FGF14: variants seen among roughly 807,000 people sequenced by gnomAD.
The protein encoded by FGF14 is fibroblast growth factor homologous factor 4.
A neutral mutation model predicts 25.5 loss-of-function variants in FGF14; 5 were observed. The observed-to-expected ratio is 0.20, with a 90% CI of 0.10 to 0.41. The LOEUF is 0.41. Among genes scored for constraint, FGF14 ranks in the 10% least tolerant of loss-of-function variants. The pLI is 1.00. For synonymous variants in FGF14, 138 were observed against 118.3 expected, an observed-to-expected ratio of 1.17 and a Z score of -1.08; for missense variants, 222 against 320.1, an observed-to-expected ratio of 0.69 and a Z score of 2.34.
At chr13:102,241,918 T>A (rs545326893) in intron 1 of FGF14, among the ~76,000 whole-genome samples, 1 of 152,212 alleles carries the variant, frequency 6.6e-6, no homozygotes, top group South Asian at 2.1e-4. Flanking sequence ...ATTCAAAGAA[T>A]CTTTATTCTT....
intron 3 of FGF14, among the ~76,000 whole-genome samples, chr13:101,831,615 T>C (rs984860673): frequency 6.6e-6 from 1 of 152,068 alleles, no homozygotes; most frequent in Middle Eastern, 3.2e-3. Context: ...ATGGCTTTGT[T>C]GTCTCAAGAA....
At chr13:102,073,113 G>C (rs1394166789) in intron 1 of FGF14, among the ~76,000 whole-genome samples, 1 of 152,130 alleles carries the variant, frequency 6.6e-6, no homozygotes, top group East Asian at 1.9e-4. Flanking sequence ...TTAGCCGGGT[G>C]TGGTGGCACA....
chr13:101,782,285 A>G (rs1333823311), intron 3 of FGF14, among the ~76,000 whole-genome samples: 3 of 152,216 alleles, frequency 2.0e-5, no homozygotes, highest in African/African-American at 7.2e-5. Flanking sequence ...TATATATTGC[A>G]CTTACATCAA....
intron 1 of FGF14, among the ~76,000 whole-genome samples, chr13:101,986,670 G>C (rs564786948): frequency 6.6e-6 from 1 of 152,144 alleles, no homozygotes; most frequent in South Asian, 2.1e-4. Flanking sequence ...GGAGCAAGTA[G>C]CATCTTTGAG....
chr13:102,308,747 T>C (rs2055543583), intron 1 of FGF14, among the ~76,000 whole-genome samples: 1 of 152,056 alleles, frequency 6.6e-6, no homozygotes, highest in African/African-American at 2.4e-5. Context: ...ATTCTGCTCT[T>C]TGAAATCTGC....
At chr13:102,023,022 A>G (rs2040743071) in intron 1 of FGF14, among the ~76,000 whole-genome samples, 2 of 148,732 alleles carry the variant, frequency 1.3e-5, no homozygotes, top group South Asian at 4.4e-4. Flanking sequence ...AAAACTGTAC[A>G]AAAGTAGTAA....
intron 1 of FGF14, among the ~76,000 whole-genome samples, chr13:102,157,810 C>T (rs534908432): frequency 4.8e-4 from 73 of 152,162 alleles, no homozygotes; most frequent in Non-Finnish European, 9.4e-4. Context: ...ACAAAGAACT[C>T]AAACAAATTT....
At chr13:101,742,271 A>C (rs1043438178) in intron 3 of FGF14, among the ~76,000 whole-genome samples, 8 of 152,192 alleles carry the variant, frequency 5.3e-5, no homozygotes, top group Non-Finnish European at 8.8e-5. Flanking sequence ...ACCATGGCAC[A>C]TGTATACCTA....
chr13:101,964,144 T>C (rs985363673), intron 1 of FGF14, among the ~76,000 whole-genome samples: 102 of 152,346 alleles, frequency 6.7e-4, no homozygotes, highest in Middle Eastern at 3.4e-3. Context: ...ATATACAGTA[T>C]TGAATAATCA....
At chr13:101,852,285 T>C (rs1261137796) in intron 3 of FGF14, among the ~76,000 whole-genome samples, 3 of 152,076 alleles carry the variant, frequency 2.0e-5, no homozygotes, top group Non-Finnish European at 2.9e-5. Flanking sequence ...ATTCATATCA[T>C]TGTAATCCTT....
At chr13:102,136,661 G>GA (rs1350887640) in intron 1 of FGF14, among the ~76,000 whole-genome samples, 175 of 142,880 alleles carry the variant, frequency 1.2e-3, no homozygotes, top group Non-Finnish European at 1.4e-3. Flanking sequence ...AATTCTATGG[G>GA]AAAAAAAAAA....
chr13:102,181,167 C>T (rs2048656839), intron 1 of FGF14, among the ~76,000 whole-genome samples: 1 of 152,066 alleles, frequency 6.6e-6, no homozygotes, highest in South Asian at 2.1e-4. Flanking sequence ...CTCAATTAAA[C>T]AGAATGTTAT....
chr13:102,310,703 GGGGGGGT>G lies in FGF14; in HGVS notation c.208+90761_208+90767del, dbSNP rs1443941383. 4.0e-4 allele frequency among the ~76,000 whole-genome samples: 26 copies of G among 65,102 alleles called. 5 individuals are homozygous for G. Among genetic ancestry groups the G allele is most frequent in the African/African-American group, 6.7e-4 (10 of 14,984 alleles). 42.7% of individuals were successfully genotyped at this position (65,102 alleles called of 152,430 possible). A position where few individuals can be genotyped will look rare whatever the true frequency, so the allele number is the denominator to read the frequency against. ...TCTCTCTCTGTGTGTGTGTGGGGGG[GGGGGGGT>G]GGGGGTTGTTTAACTGCTAGAAAAC... On this transcript the variant is annotated intron_variant, in intron 1 of 4. Coordinates refer to the FGF14 transcript ENST00000376131.
intron 3 of FGF14, among the ~76,000 whole-genome samples, chr13:101,823,283 T>C (rs1449972301): frequency 6.6e-6 from 1 of 151,502 alleles, no homozygotes; most frequent in African/African-American, 2.4e-5. Flanking sequence ...GACATTGTTT[T>C]CAAAGGAGCT....
chr13:101,803,079 G>A (rs1231274211), intron 3 of FGF14, among the ~76,000 whole-genome samples: 1 of 151,816 alleles, frequency 6.6e-6, no homozygotes, highest in Non-Finnish European at 1.5e-5. Flanking sequence ...GGGTCAGCTG[G>A]CGTGAAAATT....
intron 1 of FGF14, among the ~76,000 whole-genome samples, chr13:102,087,882 A>C (rs893553614): frequency 6.6e-6 from 1 of 152,028 alleles, no homozygotes; most frequent in Non-Finnish European, 1.5e-5. Flanking sequence ...ACCATCTTAC[A>C]GTTAGGAAAT....
intron 2 of FGF14, among the ~76,000 whole-genome samples, chr13:101,870,719 C>T (rs1344279729): frequency 3.3e-5 from 5 of 152,210 alleles, no homozygotes; most frequent in South Asian, 4.1e-4. Context: ...TTCGGGAAGC[C>T]GAGGCGGGTG....
chr13:102,195,452 C>T (rs963415839), intron 1 of FGF14, among the ~76,000 whole-genome samples: 3 of 151,702 alleles, frequency 2.0e-5, no homozygotes, highest in African/African-American at 7.3e-5. Context: ...TAGTTATAAT[C>T]CTCAGAGCAA....
At chr13:101,867,937 C>CACACACACACAT (rs1478756820) in intron 3 of FGF14, among the ~76,000 whole-genome samples, 1 of 128,140 alleles carries the variant, frequency 7.8e-6, no homozygotes, top group Non-Finnish European at 1.6e-5. Flanking sequence ...CACACACACG[C>CACACACACACAT]GCACACACAC....
Sources: allele counts gnomAD v4.1 joint callset (sites outside exome capture counted in the v4.1 genomes callset), GRCh38; gene constraint gnomAD v4.1.1; transcripts MANE v1.5; gene names NCBI Gene and HGNC (gene_info 2026-07-23, HGNC 2026-07-21).